ZNF679: variants seen among roughly 807,000 people sequenced by gnomAD.
ZNF679 encodes the protein zinc finger protein 679.
In ZNF679, 10 loss-of-function variants were observed where a neutral mutation model predicts 13.4. The observed-to-expected ratio is 0.75, with a 90% confidence interval of 0.46 to 1.27. The LOEUF (loss-of-function observed/expected upper bound fraction) is 1.27, where lower values mean the gene tolerates loss of function less well. Ranked by LOEUF, ZNF679 falls within the 50% of genes most tolerant of loss-of-function variation. ZNF679 has a pLI of 0.00. For missense variants in ZNF679, 525 were observed against 477.8 expected (o/e 1.10, Z -0.92); for synonymous variants, 179 against 162.5 (o/e 1.10, Z -0.77).
Position 64,265,929 on chromosome 7 carries a change from C to T in ZNF679, c.296C>T (p.Pro99Leu), listed in dbSNP as rs1788137786. The stretch of plus-strand genomic sequence containing the variant: ...TCTCATTTCACCCAAGACCTTCCGC[C>T]AGAGCTAGGCATAAAAGATTCACTC... ...MCSHFTQDLP[P>L]ELGIKDSLQK... Residue 99 changes from proline (P) to leucine (L), a missense_variant, in exon 5 of 5, where the codon CCA becomes CTA. Pro to Leu is a moderately conservative substitution (Grantham distance 98). Coordinates refer to ENST00000421025, the MANE Select transcript of ZNF679 (RefSeq NM_153363.3). 6.2e-7 allele frequency: 1 copy of T among 1,613,676 alleles called. No individual in the cohort carries two copies.
intron 1 of ZNF679, among the ~76,000 whole-genome samples, chr7:64,231,377 G>T (rs73366105): frequency 6.6e-6 from 1 of 152,306 alleles, no homozygotes; most frequent in South Asian, 2.1e-4. Context: ...CAGGGCCCAG[G>T]AGGAGAGTTA....
At position 64,249,265 on chromosome 7, in the gene ZNF679, G is replaced by A. The variant is rs1274061414; in HGVS notation, c.39+109G>A. 4.4e-6 allele frequency: 7 copies of A among 1,581,862 alleles called. No individual in the cohort carries two copies. The Admixed American group carries it at 1.2e-4, about 28-fold the overall frequency. ...CCTCGCAGTCAGCTCCGGAGTCTGA[G>A]GACCCAAATCCTCCTTGGCCCAGGT... On this transcript the variant is annotated intron_variant, in intron 2 of 4. Coordinates refer to ENST00000421025, the MANE Select transcript of ZNF679 (RefSeq NM_153363.3).
chr7:64,255,857 C>T (rs1787998756), intron 2 of ZNF679, among the ~76,000 whole-genome samples: 1 of 152,128 alleles, frequency 6.6e-6, no homozygotes, highest in South Asian at 2.1e-4. Flanking sequence ...GATCTGCCTG[C>T]CTCAACCTCC....
intron 1 of ZNF679, among the ~76,000 whole-genome samples, chr7:64,230,604 G>A (rs928660526): frequency 2.6e-5 from 4 of 151,726 alleles, no homozygotes; most frequent in Non-Finnish European, 4.4e-5. Flanking sequence ...CCAAGGTGTA[G>A]CCCAAATATA....
chr7:64,263,525 G>C (rs935566477), intron 4 of ZNF679, among the ~76,000 whole-genome samples: 2 of 152,184 alleles, frequency 1.3e-5, no homozygotes, highest in Non-Finnish European at 2.9e-5. Flanking sequence ...GTAATCTCCA[G>C]TGTTGGATGT....
chr7:64,251,123 TA>T (rs779879919), intron 2 of ZNF679, among the ~76,000 whole-genome samples: 5 of 151,920 alleles, frequency 3.3e-5, no homozygotes, highest in Admixed American at 2.6e-4. Context: ...AATGCTTTGT[TA>T]AAAAAAAGTT....
rs376756602 is a variant in ZNF679 at position 64,244,898 on chromosome 7, A to G, written c.-90-4130A>G. ...CTATAACACAAATTTCAAAATTTCT[A>G]TATGCTGGATGGTAGAAACCAAGAG... On this transcript the variant is annotated intron_variant, in intron 1 of 4. Coordinates refer to ENST00000421025, the MANE Select transcript of ZNF679 (RefSeq NM_153363.3). Among the ~76,000 whole-genome samples, 12 of 152,358 alleles carry G rather than the reference A, an allele frequency of 7.9e-5. No individual in the cohort carries two copies. In the East Asian group the frequency reaches 1.4e-3, roughly 17 times the overall value.
chr7:64,245,444 G>GGA lies in ZNF679; in HGVS notation c.-90-3568_-90-3567dup, dbSNP rs1179404338. Among the ~76,000 whole-genome samples, 8 of 113,624 alleles carry GGA rather than the reference G, an allele frequency of 7.0e-5. No individual in the cohort carries two copies. In the East Asian group the frequency reaches 8.3e-4, roughly 12 times the overall value. 74.5% of individuals were successfully genotyped at this position (113,624 alleles called of 152,430 possible). On this transcript the variant is annotated intron_variant, in intron 1 of 4. Transcript: ENST00000421025. ...GAAAGAGAGAGAGAGAGAGAGAGAG[G>GGA]GAGAGAGAGAGAGAGAGGGAGAGAG...
At chr7:64,245,232 G>A (rs1787851057) in intron 1 of ZNF679, among the ~76,000 whole-genome samples, 2 of 152,162 alleles carry the variant, frequency 1.3e-5, no homozygotes, top group African/African-American at 2.4e-5. Context: ...TGCCATGTTG[G>A]CCAGGCTGGT....
chr7:64,257,722 T>C (rs192802188), intron 2 of ZNF679, among the ~76,000 whole-genome samples: 120 of 152,302 alleles, frequency 7.9e-4, no homozygotes, highest in Non-Finnish European at 1.5e-3. Context: ...AAAAATATAA[T>C]ATTTCAGGGT....
chr7:64,264,253 T>TAA (rs56375415), intron 4 of ZNF679, among the ~76,000 whole-genome samples: 8 of 150,970 alleles, frequency 5.3e-5, no homozygotes, highest in Admixed American at 6.6e-5. Context: ...TTTAAACTGG[T>TAA]AAAAAAAAAT....
chr7:64,245,547 A>G (rs1787857989), intron 1 of ZNF679, among the ~76,000 whole-genome samples: 2 of 152,138 alleles, frequency 1.3e-5, no homozygotes, highest in African/African-American at 4.8e-5. Context: ...GCATTGAATC[A>G]AAAGTTTAGG....
Position 64,244,603 on chromosome 7 carries a change from T to A in ZNF679, c.-90-4425T>A, listed in dbSNP as rs551210083. On this transcript the variant is annotated intron_variant, in intron 1 of 4. Transcript: ENST00000421025. ...GCAGTTTTTACAAAATCTAGAATCTTCAAAGTAGCTCAGAGAAAGGACAAT... is the reference window on the plus strand; with the variant it reads ...GCAGTTTTTACAAAATCTAGAATCTACAAAGTAGCTCAGAGAAAGGACAAT... Among the ~76,000 whole-genome samples, 10 of 152,274 alleles carry A rather than the reference T, an allele frequency of 6.6e-5. No individual in the cohort carries two copies. In the East Asian group the frequency reaches 1.9e-3, roughly 30 times the overall value.
chr7:64,237,001 A>AAGAG (rs149813028), intron 1 of ZNF679, among the ~76,000 whole-genome samples: 1 of 77,844 alleles, frequency 1.3e-5, no homozygotes, highest in Non-Finnish European at 2.3e-5. Flanking sequence ...GAAAGAAAGA[A>AAGAG]AAAGAAAGAA....
At chr7:64,236,953 GAAAGAAAGAAAGAAAGAAAGAA>G (rs1210375046) in intron 1 of ZNF679, among the ~76,000 whole-genome samples, 7,432 of 60,248 alleles carry the variant, frequency 0.12, 277 homozygotes, top group East Asian at 0.23. Context: ...AAGAAAGAAA[GAAAGAAAGAAAGAAAGAAAGAA>G]AAAGAAAGAA....
At position 64,255,012 on chromosome 7, in the gene ZNF679, A is replaced by AAAAG. The variant is rs1554372336; in HGVS notation, c.40-5206_40-5205insGAAA. On this transcript the variant is annotated intron_variant, in intron 2 of 4. Coordinates refer to ENST00000421025, the MANE Select transcript of ZNF679 (RefSeq NM_153363.3). ...GAGACTCCATCTCAAAAAAAAAAAA[A>AAAAG]AAAAAGAAAAAAAATTGCTTCCTAG... Among the ~76,000 whole-genome samples, 17 of 150,426 alleles carry AAAAG rather than the reference A, an allele frequency of 1.1e-4. 1 individual carries two copies. The East Asian group carries it at 2.9e-3, about 26-fold the overall frequency.
intron 4 of ZNF679, among the ~76,000 whole-genome samples, chr7:64,262,974 C>CAA (rs890055580): frequency 2.0e-5 from 3 of 152,118 alleles, no homozygotes; most frequent in African/African-American, 7.2e-5. Flanking sequence ...TTGACCTGTG[C>CAA]AAGAATACAT....
intron 1 of ZNF679, among the ~76,000 whole-genome samples, chr7:64,242,504 C>T (rs994502009): frequency 2.0e-5 from 3 of 152,170 alleles, no homozygotes; most frequent in Non-Finnish European, 4.4e-5. Context: ...ATTTTTGTTC[C>T]TATAATCTGG....
intron 2 of ZNF679, among the ~76,000 whole-genome samples, chr7:64,258,558 G>A (rs181587973): frequency 7.2e-4 from 109 of 152,020 alleles, no homozygotes; most frequent in African/African-American, 2.5e-3. Context: ...AAAATCAGCC[G>A]GGCGTGGTGG....
Sources: allele counts gnomAD v4.1 joint callset (sites outside exome capture counted in the v4.1 genomes callset), GRCh38; gene constraint gnomAD v4.1.1; transcripts MANE v1.5; gene names NCBI Gene and HGNC (gene_info 2026-07-23, HGNC 2026-07-21).